Variants in HCN4 observed in about 807,000 individuals in gnomAD.
HCN4 encodes hyperpolarization activated cyclic nucleotide gated potassium channel 4.
Under a neutral mutation model 76.9 loss-of-function variants are expected in HCN4, and 29 were observed. The ratio of observed to expected loss-of-function variants is 0.38; its 90% CI spans 0.28 to 0.51. The LOEUF is 0.51. Ranked by LOEUF, HCN4 falls within the 20% of genes least tolerant of loss-of-function variation. The pLI is 0.90. For synonymous variants in HCN4, 772 were observed against 762.5 expected (o/e 1.01, Z -0.21); for missense variants, 1,416 against 1,715.2 (o/e 0.83, Z 3.08).
At chr15:73,336,895 C>A (rs1416213883) in intron 2 of HCN4, among the ~76,000 whole-genome samples, 1 of 152,188 alleles carries the variant, frequency 6.6e-6, no homozygotes, top group Non-Finnish European at 1.5e-5. Flanking sequence ...CCCACTGCAC[C>A]CATGAATACA....
chr15:73,353,171 G>C (rs1388090397), intron 1 of HCN4, among the ~76,000 whole-genome samples: 1 of 152,198 alleles, frequency 6.6e-6, no homozygotes, highest in African/African-American at 2.4e-5. Context: ...GTGACTCTGA[G>C]TTTCTCCATT....
intron 1 of HCN4, among the ~76,000 whole-genome samples, chr15:73,364,635 G>A (rs977335018): frequency 4.6e-5 from 7 of 152,170 alleles, no homozygotes; most frequent in Non-Finnish European, 8.8e-5. Context: ...GGAGTTGGAG[G>A]GGAGGGGAAG....
intron 1 of HCN4, among the ~76,000 whole-genome samples, chr15:73,360,320 C>T (rs1021029009): frequency 5.3e-5 from 8 of 152,116 alleles, no homozygotes; most frequent in Non-Finnish European, 8.8e-5. Flanking sequence ...TCTCTGGTTT[C>T]GCCTCTGACA....
At chr15:73,344,647 C>A (rs541591876) in intron 1 of HCN4, among the ~76,000 whole-genome samples, 4 of 152,196 alleles carry the variant, frequency 2.6e-5, no homozygotes, top group Non-Finnish European at 5.9e-5. Flanking sequence ...CTTCCAGAAT[C>A]ATTTCTCCTA....
Position 73,323,390 on chromosome 15 carries a change from G to A in HCN4, c.2703C>T (p.Ala901=), listed in dbSNP as rs769947655. 2 of 1,590,560 alleles carry A rather than the reference G, an allele frequency of 1.3e-6. No individual in the cohort carries two copies. Among genetic ancestry groups the A allele is most frequent in the South Asian group, 2.2e-5 (2 of 89,048 alleles). The change falls in exon 8 of 8, where the codon GCC becomes GCT. Residue 901 remains alanine (A), a synonymous_variant. Transcript: ENST00000261917. The part of the protein sequence containing the change: ...SAPTPSAGVA[A]TTIAGFGHFH... The stretch of plus-strand genomic sequence containing the variant: ...AGTGGCCAAACCCGGCTATGGTGGT[G>A]GCGGCTACGCCAGCTGATGGTGTGG...
At chr15:73,362,948 C>T (rs747311742) in intron 1 of HCN4, among the ~76,000 whole-genome samples, 2 of 152,188 alleles carry the variant, frequency 1.3e-5, no homozygotes, top group Non-Finnish European at 2.9e-5. Flanking sequence ...CACCCAGCAT[C>T]CTGGAAGCAC....
At chr15:73,331,330 C>T (rs1053370539) in intron 3 of HCN4, among the ~76,000 whole-genome samples, 50 of 152,290 alleles carry the variant, frequency 3.3e-4, no homozygotes, top group African/African-American at 1.2e-3. Flanking sequence ...GACTCCACCT[C>T]GGATCAGGAT....
chr15:73,340,942 G>A (rs2042997781), intron 2 of HCN4: 1 of 152,168 alleles, frequency 6.6e-6, no homozygotes, highest in African/African-American at 2.4e-5. Context: ...TGGGGCGGCT[G>A]GCCTTTCTGA....
chr15:73,345,338 G>A (rs1053568786), intron 1 of HCN4, among the ~76,000 whole-genome samples: 2 of 152,176 alleles, frequency 1.3e-5, no homozygotes, highest in African/African-American at 2.4e-5. Flanking sequence ...TCCTTTGAAA[G>A]CCAAGCTCTT....
chr15:73,353,619 C>T (rs2043064826), intron 1 of HCN4, among the ~76,000 whole-genome samples: 1 of 152,152 alleles, frequency 6.6e-6, no homozygotes, highest in African/African-American at 2.4e-5. Context: ...ATCTGTCTAG[C>T]TCCTCTTTAC....
intron 1 of HCN4, among the ~76,000 whole-genome samples, chr15:73,355,455 C>G (rs987114169): frequency 6.6e-6 from 1 of 152,130 alleles, no homozygotes; most frequent in Non-Finnish European, 1.5e-5. Context: ...CACGGAAGAA[C>G]GCGCACCTCA....
intron 1 of HCN4, among the ~76,000 whole-genome samples, chr15:73,363,497 AG>A (rs1467457877): frequency 2.0e-5 from 3 of 152,204 alleles, no homozygotes; most frequent in African/African-American, 7.2e-5. Flanking sequence ...CACCAGGCCC[AG>A]GCTCTCTTCT....
rs149916450 is a variant in HCN4, at chr15:73,349,914, G to A, written c.786-6106C>T. On this transcript the variant is annotated intron_variant, in intron 1 of 7. Transcript: ENST00000261917. ...CCGTTCCACTCCAAATCCTGTGATTGTCCTGGGTGACTTCTACTCCATATC... is the reference window on the plus strand; with the variant it reads ...CCGTTCCACTCCAAATCCTGTGATTATCCTGGGTGACTTCTACTCCATATC... 3.7e-4 allele frequency among the ~76,000 whole-genome samples: 57 copies of A among 152,280 alleles called. 1 individual carries two copies. The highest frequency in any genetic ancestry group is 1.4e-3 in the African/African-American group (57 of 41,550).
intron 1 of HCN4, among the ~76,000 whole-genome samples, chr15:73,362,961 C>T (rs887777142): frequency 7.9e-5 from 12 of 152,270 alleles, no homozygotes; most frequent in African/African-American, 2.6e-4. Context: ...GGAAGCACCT[C>T]GGTCCTGAGC....
chr15:73,331,319 G>C (rs1185459956), intron 3 of HCN4, among the ~76,000 whole-genome samples: 3 of 152,184 alleles, frequency 2.0e-5, no homozygotes, highest in Non-Finnish European at 4.4e-5. Flanking sequence ...CTCCCTATCG[G>C]GACTCCACCT....
intron 2 of HCN4, among the ~76,000 whole-genome samples, chr15:73,334,188 G>C (rs1245789473): frequency 6.6e-6 from 1 of 152,144 alleles, no homozygotes; most frequent in African/African-American, 2.4e-5. Flanking sequence ...CCAGCTCTGG[G>C]GCTGTCAGCG....
chr15:73,354,295 C>T (rs1408149201), intron 1 of HCN4, among the ~76,000 whole-genome samples: 1 of 152,236 alleles, frequency 6.6e-6, no homozygotes, highest in Non-Finnish European at 1.5e-5. Context: ...TGTCATGATG[C>T]AATGAGAGCT....
At position 73,343,359 on chromosome 15, in the gene HCN4, C is replaced by G; in HGVS notation, c.1209+26G>C. On this transcript the variant is annotated intron_variant, in intron 2 of 7. Transcript: ENST00000261917. This position sits in a 1 kb window ranked among gnomAD's most constrained non-coding sequence, Gnocchi z 5.7. ...CCCTCTGTGGGGAGTGGCCTTTCCC[C>G]CAAGAGGTTTGCACTGACCACTTAC... 1 of 1,611,390 alleles carries G rather than the reference C, an allele frequency of 6.2e-7. No individual in the cohort carries two copies. The highest frequency in any genetic ancestry group is 2.2e-5 in the East Asian group (1 of 44,806).
chr15:73,334,236 G>C (rs1271147122), intron 2 of HCN4, among the ~76,000 whole-genome samples: 2 of 152,182 alleles, frequency 1.3e-5, no homozygotes. Context: ...CTCAGCATCT[G>C]CCATGGCCTG....
Sources: gnomAD v4.1 joint callset for allele counts (sites outside exome capture counted in the v4.1 genomes callset) on GRCh38, gnomAD v4.1.1 for gene constraint, Gnocchi (gnomAD v3.1) non-coding constraint, MANE v1.5 for transcripts, NCBI Gene and HGNC (gene_info 2026-07-23, HGNC 2026-07-21) for gene names.